The following IL1RN variants were observed in gnomAD, a reference collection of about 807,000 sequenced individuals.
The protein encoded by IL1RN is interleukin 1 receptor antagonist.
Under a neutral mutation model 13.7 loss-of-function variants are expected in IL1RN, and 10 were observed. The ratio of observed to expected loss-of-function variants is 0.73; its 90% CI spans 0.45 to 1.24. The LOEUF is 1.24. Among genes scored for constraint, IL1RN ranks in the 50% most tolerant of loss-of-function variants. The pLI is 0.00. For missense variants in IL1RN, 213 were observed against 222.1 expected (o/e 0.96, Z 0.26); for synonymous variants, 102 against 82.7 (o/e 1.23, Z -1.27).
upstream of IL1RN, among the ~76,000 whole-genome samples, chr2:113,105,979 C>T (rs1397772890): frequency 6.6e-6 from 1 of 152,182 alleles, no homozygotes; most frequent in East Asian, 1.9e-4. Context: ...TGCTGGCATC[C>T]CATTTCATAG....
upstream of IL1RN, among the ~76,000 whole-genome samples, chr2:113,124,164 G>A (rs147906350): frequency 9.6e-4 from 146 of 152,242 alleles, no homozygotes; most frequent in South Asian, 2.9e-3. Flanking sequence ...CAGGACCTCC[G>A]ATGAAAGCCA....
At chr2:113,130,951 TGGGGACCAGG>T (rs1267295169) in intron 2 of IL1RN, 84 bp from the exon 3 acceptor site, 27 of 819,056 alleles carry the variant, frequency 3.3e-5, no homozygotes, top group Non-Finnish European at 1.3e-5. Context: ...TTTAGTTTTG[TGGGGACCAGG>T]GGAGATAGAA....
At chr2:113,121,318 C>A in intron 2 of IL1RN, 1 of 282,776 alleles carries the variant, frequency 3.5e-6, no homozygotes, top group Non-Finnish European at 5.3e-6. Context: ...GTCCACTTTG[C>A]ACAGCTGTTA....
chr2:113,118,950 T>C (rs976387334), intron 1 of IL1RN, among the ~76,000 whole-genome samples: 7 of 152,118 alleles, frequency 4.6e-5, no homozygotes, highest in African/African-American at 1.4e-4. Context: ...GGCAGGAGAA[T>C]TGCTGGAACC....
In IL1RN at chr2:113,132,695, G is replaced by C; in HGVS notation, c.358G>C (p.Asp120His). 1 of 1,614,218 alleles carries C rather than the reference G, an allele frequency of 6.2e-7. No homozygotes were observed. The highest frequency in any genetic ancestry group is 8.5e-7 in the Non-Finnish European group (1 of 1,180,038). The stretch of plus-strand genomic sequence containing the variant: ...TGACCTGAGCGAGAACAGAAAGCAG[G>C]ACAAGCGCTTCGCCTTCATCCGCTC... Reference protein sequence around the residue: ...ITDLSENRKQDKRFAFIRSDS... With the variant: ...ITDLSENRKQHKRFAFIRSDS... Residue 120 changes from aspartate to histidine, a missense_variant, in exon 4 of 4, where the codon GAC (aspartate) becomes CAC (histidine). Transcript: ENST00000409930.
At chr2:113,129,690 G>A in intron 2 of IL1RN, 26 bp downstream of exon 2, 2 of 1,459,138 alleles carry the variant, frequency 1.4e-6, no homozygotes, top group Non-Finnish European at 1.9e-6. Flanking sequence ...GAAAGCCAAT[G>A]TATGTGGGCA....
At chr2:113,124,889 GAC>G (rs1686902483), upstream of IL1RN, among the ~76,000 whole-genome samples, 1 of 152,150 alleles carries the variant, frequency 6.6e-6, no homozygotes, top group Non-Finnish European at 1.5e-5. Flanking sequence ...GCGGGGAAAT[GAC>G]ACAGAGCAGG....
intron 3 of IL1RN, 25 bp from the exon 4 acceptor site, chr2:113,132,631 C>A: frequency 1.9e-6 from 3 of 1,606,640 alleles, no homozygotes; most frequent in Non-Finnish European, 2.6e-6. Flanking sequence ...CCTCAGCTCT[C>A]ACCTGCCCAT....
chr2:113,128,229 T>C (rs973292251), intron 1 of IL1RN, among the ~76,000 whole-genome samples: 2 of 152,222 alleles, frequency 1.3e-5, no homozygotes, highest in Non-Finnish European at 2.9e-5. Flanking sequence ...GTTGTGAAAA[T>C]TAAATGCACA....
chr2:113,117,540 G>T (rs150443127), upstream of IL1RN: 5 of 180,616 alleles, frequency 2.8e-5, no homozygotes, highest in South Asian at 2.9e-4. Context: ...TTGTTAGAGC[G>T]TTGGGGACCT....
In IL1RN at chr2:113,122,020, A is replaced by G. The variant is rs529495026; in HGVS notation, c.73+1892A>G. On this transcript the variant is annotated intron_variant, in intron 2 of 5. Transcript: ENST00000259206. ...GTCTTTGTAGCATTATCTTAGCAAAAATTTACAAAGTTTGGAAAACAATAT... is the reference window on the plus strand; with the variant it reads ...GTCTTTGTAGCATTATCTTAGCAAAGATTTACAAAGTTTGGAAAACAATAT... Among the ~76,000 whole-genome samples the G allele has an allele frequency of 3.3e-5, 5 of 152,230 alleles. No individual in the cohort carries two copies. In the South Asian group the frequency reaches 8.3e-4, roughly 25 times the overall value.
At chr2:113,129,085 C>T (rs868216975) in intron 1 of IL1RN, among the ~76,000 whole-genome samples, 3 of 152,240 alleles carry the variant, frequency 2.0e-5, no homozygotes, top group Middle Eastern at 6.8e-3. Flanking sequence ...CTATGGTAGC[C>T]ACTAGTCTCA....
chr2:113,127,519 C>G (rs565559466), upstream of IL1RN: 206 of 1,494,938 alleles, frequency 1.4e-4, no homozygotes, highest in African/African-American at 2.6e-3. Context: ...CCGCTTCTCG[C>G]AGTGGGGCAG....
At chr2:113,112,640 C>T (rs1686520723) in intron 1 of IL1RN, among the ~76,000 whole-genome samples, 1 of 152,220 alleles carries the variant, frequency 6.6e-6, no homozygotes, top group African/African-American at 2.4e-5. Flanking sequence ...GGGCTTCTCA[C>T]CGTTCCTCTT....
chr2:113,118,060 G>A lies in IL1RN; in HGVS notation c.10+32G>A, dbSNP rs754403998. The A allele has an allele frequency of 9.3e-6, 15 of 1,613,102 alleles. No individual in the cohort carries two copies. The East Asian group carries it at 3.3e-4, about 36-fold the overall frequency. On this transcript the variant is annotated intron_variant, in intron 1 of 5. Coordinates refer to the IL1RN transcript ENST00000259206. ...TCCTTCCACTCTCATTTTTTCACCT[G>A]AGAAATGAGAGAGGAAAATGTCTAC...
intron 3 of IL1RN, among the ~76,000 whole-genome samples, chr2:113,132,440 TCC>T: frequency 6.6e-6 from 1 of 152,254 alleles, no homozygotes; most frequent in East Asian, 1.9e-4. Context: ...AGAGCAAGAC[TCC>T]GTCTCGGGAA....
upstream of IL1RN, among the ~76,000 whole-genome samples, chr2:113,105,123 A>C (rs780259033): frequency 3.3e-5 from 5 of 152,188 alleles, no homozygotes; most frequent in Non-Finnish European, 5.9e-5. Flanking sequence ...GGGGTGGATG[A>C]GTTTCTGGCT....
the IL1RN span, among the ~76,000 whole-genome samples, chr2:113,101,028 T>C: frequency 2.0e-5 from 3 of 152,228 alleles, no homozygotes; most frequent in Non-Finnish European, 4.4e-5. Context: ...TTCCAGCTTA[T>C]ATAGTGTCTT....
upstream of IL1RN, among the ~76,000 whole-genome samples, chr2:113,114,680 T>A (rs376791485): frequency 0.01 from 1,521 of 150,996 alleles, 26 homozygotes; most frequent in African/African-American, 0.034. Flanking sequence ...TGTGTGTGTG[T>A]GAGAGAGAGA....
Sources: gnomAD v4.1 joint callset for allele counts (sites outside exome capture counted in the v4.1 genomes callset) on GRCh38, gnomAD v4.1.1 for gene constraint, MANE v1.5 for transcripts, NCBI Gene and HGNC (gene_info 2026-07-23, HGNC 2026-07-21) for gene names.